The following DDX46 variants were observed in gnomAD, a reference collection of about 807,000 sequenced individuals.
The protein encoded by DDX46 is DEAD-box helicase 46.
In DDX46, 30 loss-of-function variants were observed where a neutral mutation model predicts 134.9. The observed-to-expected ratio is 0.22, with a 90% CI of 0.17 to 0.30. The LOEUF is 0.30. DDX46 is among the 10% of genes least tolerant of loss of function. The pLI is 1.00. For missense variants in DDX46, 622 were observed against 1,248.7 expected, an observed-to-expected ratio of 0.50 and a Z score of 7.56; for synonymous variants, 415 against 404.1, an observed-to-expected ratio of 1.03 and a Z score of -0.32.
chr5:134,771,966 C>T (rs939808592), intron 4 of DDX46, among the ~76,000 whole-genome samples: 2 of 152,172 alleles, frequency 1.3e-5, no homozygotes, highest in African/African-American at 4.8e-5. Flanking sequence ...CACAGTGGCT[C>T]GTGCCTGTAA....
At chr5:134,808,080 T>G (rs1411474896) in intron 16 of DDX46, 139 bp downstream of exon 16, 9 of 795,340 alleles carry the variant, frequency 1.1e-5, no homozygotes, top group Admixed American at 3.2e-5. Context: ...GTGGTTGATG[T>G]TAATAATTTA....
intron 7 of DDX46, 60 bp downstream of exon 7, chr5:134,781,306 G>A (rs1754146166): frequency 1.5e-6 from 2 of 1,305,816 alleles, no homozygotes; most frequent in East Asian, 2.4e-5. Context: ...TTATTAGAAA[G>A]CATTCATGGA....
chr5:134,786,388 C>G lies in DDX46; in HGVS notation c.1464+802C>G, dbSNP rs529063231. 2.6e-5 allele frequency among the ~76,000 whole-genome samples: 4 copies of G among 152,100 alleles called. No individual in the cohort carries two copies. In the East Asian group the frequency reaches 5.8e-4, roughly 22 times the overall value. On this transcript the variant is annotated intron_variant, in intron 11 of 22. Coordinates refer to ENST00000452510, the MANE Select transcript of DDX46 (RefSeq NM_001300860.2). The stretch of plus-strand genomic sequence containing the variant: ...ATAGATTATCCCTCCTCCCTCTTCC[C>G]CTGCCTGAGAAAGCAGATTTTTTTT...
chr5:134,800,516 C>A (rs1754794599), intron 15 of DDX46, among the ~76,000 whole-genome samples: 1 of 152,080 alleles, frequency 6.6e-6, no homozygotes, highest in Non-Finnish European at 1.5e-5. Context: ...ATTTTGGTTG[C>A]TTTAGCCACA....
At chr5:134,812,059 CTTTTT>C (rs767502728) in intron 18 of DDX46, among the ~76,000 whole-genome samples, 5 of 99,060 alleles carry the variant, frequency 5.0e-5, no homozygotes, top group Non-Finnish European at 1.0e-4. Flanking sequence ...GTGAAAAGTC[CTTTTT>C]TTTTTTTTTT....
At chr5:134,764,698 A>G (rs982420534) in intron 2 of DDX46, among the ~76,000 whole-genome samples, 2 of 152,144 alleles carry the variant, frequency 1.3e-5, no homozygotes, top group Non-Finnish European at 2.9e-5. Flanking sequence ...GTAATAAGTT[A>G]TATTCAAGAG....
At chr5:134,800,937 A>G (rs934603795) in intron 15 of DDX46, among the ~76,000 whole-genome samples, 4 of 151,894 alleles carry the variant, frequency 2.6e-5, no homozygotes, top group Admixed American at 1.3e-4. Flanking sequence ...CAGCCTCCCA[A>G]AGTGCTGGGG....
intron 15 of DDX46, among the ~76,000 whole-genome samples, chr5:134,800,991 G>A (rs1754811836): frequency 6.6e-6 from 1 of 151,904 alleles, no homozygotes; most frequent in Non-Finnish European, 1.5e-5. Flanking sequence ...ATTCTTTTAA[G>A]AACGTTTGTA....
At chr5:134,782,852 A>C in intron 8 of DDX46, 93 bp from the exon 9 acceptor site, 1 of 1,498,392 alleles carries the variant, frequency 6.7e-7, no homozygotes, top group Non-Finnish European at 9.0e-7. Context: ...CTGGCATAAG[A>C]GTTAAAGTTT....
In DDX46 at chr5:134,767,561, G is replaced by A. The variant is rs931708052; in HGVS notation, c.350+501G>A. Among the ~76,000 whole-genome samples the A allele has an allele frequency of 3.9e-5, 6 of 152,024 alleles. No homozygotes were observed. The South Asian group carries it at 8.3e-4, about 21-fold the overall frequency. The stretch of plus-strand genomic sequence containing the variant: ...TTGGCATGTTTGCCAGGCTGGTCTC[G>A]AACTCCTGACCTCAAGTGATCTGCC... On this transcript the variant is annotated intron_variant, in intron 3 of 22. Coordinates refer to ENST00000452510, the MANE Select transcript of DDX46 (RefSeq NM_001300860.2).
intron 16 of DDX46, among the ~76,000 whole-genome samples, chr5:134,808,492 C>G (rs138562058): frequency 3.7e-4 from 56 of 152,256 alleles, no homozygotes; most frequent in Admixed American, 2.1e-3. Flanking sequence ...CTACTGAATG[C>G]ATATCACTTT....
intron 16 of DDX46, among the ~76,000 whole-genome samples, chr5:134,809,002 A>C (rs1213226277): frequency 6.6e-6 from 1 of 152,210 alleles, no homozygotes; most frequent in Non-Finnish European, 1.5e-5. Context: ...TTACATATGT[A>C]ATGTCATTTT....
intron 21 of DDX46, among the ~76,000 whole-genome samples, chr5:134,821,338 G>A (rs1478960409): frequency 1.3e-5 from 2 of 151,258 alleles, no homozygotes; most frequent in Admixed American, 6.6e-5. Context: ...CACTGCGCCC[G>A]GCCAATTTTT....
chr5:134,785,726 TAGTA>T (rs1316300208), intron 11 of DDX46, 140 bp downstream of exon 11: 4 of 968,266 alleles, frequency 4.1e-6, no homozygotes, highest in African/African-American at 1.7e-5. Flanking sequence ...ATAAAAATAA[TAGTA>T]AGAATTAGTT....
chr5:134,811,468 AT>A, intron 17 of DDX46, 110 bp downstream of exon 17: 1 of 1,402,800 alleles, frequency 7.1e-7, no homozygotes, highest in East Asian at 2.4e-5. Context: ...TGCTACGACT[AT>A]TTTTATTTCT....
In DDX46 at chr5:134,774,304, G is replaced by A. The variant is rs868634157; in HGVS notation, c.613+443G>A. Among the ~76,000 whole-genome samples, 34 of 151,708 alleles carry A rather than the reference G, an allele frequency of 2.2e-4. No individual in the cohort carries two copies. In the Middle Eastern group the frequency reaches 0.014, roughly 61 times the overall value. On this transcript the variant is annotated intron_variant, in intron 5 of 22. Coordinates refer to ENST00000452510, the MANE Select transcript of DDX46 (RefSeq NM_001300860.2). ...TGTTGGAATTTCCTTTCTTTATATG[G>A]CTGAATAATATTTCACTGTATATAT...
At chr5:134,815,729 A>G (rs910271435) in intron 18 of DDX46, among the ~76,000 whole-genome samples, 4 of 151,222 alleles carry the variant, frequency 2.6e-5, no homozygotes, top group East Asian at 1.9e-4. Flanking sequence ...AAAAAAAAAA[A>G]AAAGAAATGC....
intron 9 of DDX46, among the ~76,000 whole-genome samples, chr5:134,783,340 G>T (rs1189941352): frequency 6.7e-6 from 1 of 150,294 alleles, no homozygotes; most frequent in Non-Finnish European, 1.5e-5. Flanking sequence ...TGTGACCTCG[G>T]CCTCCCGGGC....
intron 11 of DDX46, 82 bp from the exon 12 acceptor site, chr5:134,788,431 C>A: frequency 8.6e-7 from 1 of 1,156,906 alleles, no homozygotes; most frequent in South Asian, 1.4e-5. Flanking sequence ...TCTAATTAGA[C>A]TAGGCAAGAA....
Sources: gnomAD v4.1 joint callset for allele counts (sites outside exome capture counted in the v4.1 genomes callset) on GRCh38, gnomAD v4.1.1 for gene constraint, MANE v1.5 for transcripts, NCBI Gene and HGNC (gene_info 2026-07-23, HGNC 2026-07-21) for gene names.